FASN: variants seen among roughly 807,000 people sequenced by gnomAD.
FASN encodes the protein fatty acid synthase, also known as 3-hydroxyacyl-[acyl-carrier-protein] dehydratase.
In FASN, 50 loss-of-function variants were observed where a neutral mutation model predicts 250.0. The observed-to-expected ratio is 0.20, with a 90% CI of 0.16 to 0.25. The LOEUF is 0.25. Ranked by LOEUF, FASN falls within the 10% of genes least tolerant of loss-of-function variation. FASN has a pLI of 1.00. For synonymous variants in FASN, 1,909 were observed against 1,584.0 expected (o/e 1.21, Z -4.87); for missense variants, 3,031 against 3,498.5 (o/e 0.87, Z 3.37).
intron 25 of FASN, 35 bp downstream of exon 25, chr17:82,085,000 G>T: frequency 6.9e-6 from 11 of 1,587,564 alleles, no homozygotes; most frequent in Non-Finnish European, 9.4e-6. Flanking sequence ...GGAGGCTGGT[G>T]GGGAAGGGGA....
chr17:82,085,449 C>A (rs1262755899), intron 23 of FASN, 33 bp downstream of exon 23: 1 of 1,593,986 alleles, frequency 6.3e-7, no homozygotes, highest in Non-Finnish European at 8.5e-7. Context: ...CCTCACCCGG[C>A]CCCCACCCTG....
At chr17:82,098,093 C>T (rs903829212) in intron 1 of FASN, 28 bp downstream of exon 1, 11 of 332,758 alleles carry the variant, frequency 3.3e-5, no homozygotes, top group Non-Finnish European at 5.5e-5. Flanking sequence ...ACGACCCGCG[C>T]CCCGGCCCCA....
chr17:82,084,014 T>C lies in FASN; in HGVS notation c.5059A>G (p.Ile1687Val). ...ACGCGGCAGCCCAGACTGAGGGCGA[T>C]GGCGATGGCGGCCTGGCCCACGCCG... ...SGGVGQAAIA[I>V]ALSLGCRVFT... The change falls in exon 29 of 43, where the codon ATC becomes GTC. Residue 1687 changes from isoleucine to valine, a missense_variant. Coordinates refer to ENST00000306749, the MANE Select transcript of FASN (RefSeq NM_004104.5). 1 of 1,539,306 alleles carries C rather than the reference T, an allele frequency of 6.5e-7. No homozygotes were observed.
At chr17:82,095,147 G>A (rs1055260305) in intron 3 of FASN, among the ~76,000 whole-genome samples, 173 bp downstream of exon 3, 1 of 152,236 alleles carries the variant, frequency 6.6e-6, no homozygotes, top group Non-Finnish European at 1.5e-5. Flanking sequence ...GGGAAACTGC[G>A]GCCTACCCCG....
chr17:82,081,277 T>G lies in FASN; in HGVS notation c.6482A>C (p.Glu2161Ala). The G allele has an allele frequency of 6.4e-7, 1 of 1,565,850 alleles. No individual in the cohort carries two copies. The highest frequency in any genetic ancestry group is 1.2e-5 in the South Asian group (1 of 85,502). ...CTCACGCTCCAGCGTCTGGCGCACC[T>G]CCACGCTCATGAGCGAGTCCAGGCC... ...DLGLDSLMSV[E>A]VRQTLERELN... is the part of the protein sequence containing the mutation. The change falls in exon 38 of 43, where the codon GAG becomes GCG. Residue 2161 changes from glutamate (E) to alanine (A), a missense_variant. Coordinates refer to ENST00000306749, the MANE Select transcript of FASN (RefSeq NM_004104.5).
intron 33 of FASN, 70 bp downstream of exon 33, chr17:82,082,844 C>T: frequency 6.3e-7 from 1 of 1,576,248 alleles, no homozygotes; most frequent in Non-Finnish European, 8.7e-7. Context: ...TGGTGGGCTG[C>T]AGAGAAGGGC....
Position 82,092,423 on chromosome 17 carries a change from C to T in FASN, c.1029+32G>A, listed in dbSNP as rs368489691. 498 of 1,552,400 alleles carry T rather than the reference C, an allele frequency of 3.2e-4. 1 individual carries two copies. Among genetic ancestry groups the T allele is most frequent in the Non-Finnish European group, 3.8e-4 (436 of 1,151,792 alleles). Reference sequence around the variant, plus strand: ...GCAACCCAGTCCCAGGGAGCAGGAGCCTGAGGGACCCCCAAGCCCAGCCCC... The same window carrying T: ...GCAACCCAGTCCCAGGGAGCAGGAGTCTGAGGGACCCCCAAGCCCAGCCCC... On this transcript the variant is annotated intron_variant, in intron 8 of 42. Coordinates refer to ENST00000306749, the MANE Select transcript of FASN (RefSeq NM_004104.5).
chr17:82,096,972 G>A (rs1316159645), intron 1 of FASN: 1 of 239,946 alleles, frequency 4.2e-6, no homozygotes, highest in Non-Finnish European at 8.4e-6. Context: ...GAGGTGGCTG[G>A]GAGCCCTAGA....
rs569419212 is a variant in FASN, at chr17:82,085,879, G to A, written c.3733-8C>T. On this transcript the variant is annotated splice_region_variant and splice_polypyrimidine_tract_variant and intron_variant, in intron 22 of 42. Coordinates refer to ENST00000306749, the MANE Select transcript of FASN (RefSeq NM_004104.5). ...ACCGTGGCCAGCCAGCACCTGTAGG[G>A]GGTGAATTCTGGAATCAGCCCCACA... The A allele has an allele frequency of 2.6e-6, 4 of 1,528,076 alleles. No individual in the cohort carries two copies. Among genetic ancestry groups the A allele is most frequent in the East Asian group, 2.4e-5 (1 of 41,532 alleles). 94.7% of individuals were successfully genotyped at this position (1,528,076 alleles called of 1,614,324 possible).
intron 21 of FASN, 124 bp downstream of exon 21, chr17:82,086,926 G>A: frequency 3.7e-6 from 4 of 1,076,180 alleles, no homozygotes; most frequent in Non-Finnish European, 5.5e-6. Flanking sequence ...CGGCCGGAGG[G>A]TTGGGCTAGG....
At chr17:82,079,738 G>GCGAAT in intron 41 of FASN, 130 bp from the exon 42 acceptor site, 1 of 1,293,508 alleles carries the variant, frequency 7.7e-7, no homozygotes, top group South Asian at 1.5e-5. Context: ...ATGGAGTGGG[G>GCGAAT]CGATCTCAGC....
At chr17:82,082,243 C>T in intron 35 of FASN, 80 bp downstream of exon 35, 1 of 1,603,220 alleles carries the variant, frequency 6.2e-7, no homozygotes, top group Non-Finnish European at 8.5e-7. Context: ...CCAGAGAGGG[C>T]TGTCAACAAA....
rs751516934 is a variant in FASN, at chr17:82,089,019, C to T, written c.2254G>A (p.Val752Met). 6 of 1,608,486 alleles carry T rather than the reference C, an allele frequency of 3.7e-6. No individual in the cohort carries two copies. The African/African-American group carries it at 4.0e-5, about 11-fold the overall frequency. The change falls in exon 14 of 43, where the codon GTG becomes ATG. Residue 752 changes from valine to methionine, a missense_variant. Coordinates refer to ENST00000306749, the MANE Select transcript of FASN (RefSeq NM_004104.5). ...TCCAGCACCACCGCGTGCTCAGGCACGTGCCACAGGGCCTCCTGGAACAGC... is the reference window on the plus strand; with the variant it reads ...TCCAGCACCACCGCGTGCTCAGGCATGTGCCACAGGGCCTCCTGGAACAGC... ...PVLFQEALWH[V>M]PEHAVVLEIA...
At chr17:82,082,888 G>C in intron 33 of FASN, 26 bp downstream of exon 33, 1 of 1,611,630 alleles carries the variant, frequency 6.2e-7, no homozygotes, top group Non-Finnish European at 8.5e-7. Flanking sequence ...GCCCAGGCTG[G>C]TCCACAAGCA....
In FASN at chr17:82,088,218, C is replaced by G. The variant is rs376331574; in HGVS notation, c.2683G>C (p.Val895Leu). ...LFPATGYLSI[V>L]WKTLARALGL... ...AGGGCGCGGGCCAGCGTCTTCCACA[C>G]TATGCTCAGGTAGCCAGTGGCGGGG... is the stretch of plus-strand genomic sequence containing the variant. The change falls in exon 17 of 43, where the codon GTG becomes CTG. Residue 895 changes from valine (V) to leucine (L), a missense_variant. Physicochemically the swap from Val to Leu is conservative, Grantham distance 32. Coordinates refer to ENST00000306749, the MANE Select transcript of FASN (RefSeq NM_004104.5). 26 of 1,611,634 alleles carry G rather than the reference C, an allele frequency of 1.6e-5. No individual in the cohort carries two copies. The highest frequency in any genetic ancestry group is 2.1e-5 in the Non-Finnish European group (25 of 1,179,986).
At chr17:82,079,827 C>T (rs972557548) in intron 41 of FASN, 2 of 677,994 alleles carry the variant, frequency 2.9e-6, no homozygotes, top group Non-Finnish European at 4.9e-6. Flanking sequence ...AAGCGATTCT[C>T]CTCCCGAGTA....
chr17:82,087,819 T>A lies in FASN; in HGVS notation c.2909A>T (p.Asp970Val), dbSNP rs1230079847. Residue 970 changes from aspartate (D) to valine (V), a missense_variant, in exon 19 of 43, where the codon GAC becomes GTC. By Grantham distance (152) the Asp-to-Val change is radical. Transcript: ENST00000306749. The part of the protein sequence containing the change: ...QWDDPDPRLF[D>V]HPESPTPNPT... ...GTTGGGGGTGGGGCTTTCCGGGTGG[T>A]CGAAGAGCCTGGGGTCAGGGTCATC... 6.2e-7 allele frequency: 1 copy of A among 1,612,492 alleles called. No homozygotes were observed. Among genetic ancestry groups the A allele is most frequent in the Admixed American group, 1.7e-5 (1 of 60,004 alleles).
rs1323946319 is a variant in FASN at position 82,082,631 on chromosome 17, C to T, written c.5815G>A (p.Val1939Met). 6.2e-7 allele frequency: 1 copy of T among 1,610,752 alleles called. No individual in the cohort carries two copies. The highest frequency in any genetic ancestry group is 8.5e-7 in the Non-Finnish European group (1 of 1,179,870). The change falls in exon 34 of 43, where the codon GTG becomes ATG. Residue 1939 changes from valine (V) to methionine (M), a missense_variant. By Grantham distance (21) the Val-to-Met change is conservative. Transcript: ENST00000306749. ...CTGATGTTGCTGGTGGACACCTGCA[C>T]CTGTACGCCCTGGCGCCTCCACCGG... ...VRRWRRQGVQ[V>M]QVSTSNISSL...
intron 22 of FASN, 98 bp from the exon 23 acceptor site, chr17:82,085,969 G>T: frequency 2.3e-5 from 32 of 1,384,526 alleles, no homozygotes; most frequent in Non-Finnish European, 2.9e-5. Flanking sequence ...TGGCAGAAAG[G>T]CTTCCCCGTC....
Sources: allele counts gnomAD v4.1 joint callset (sites outside exome capture counted in the v4.1 genomes callset), GRCh38; gene constraint gnomAD v4.1.1; transcripts MANE v1.5; gene names NCBI Gene and HGNC (gene_info 2026-07-23, HGNC 2026-07-21).